Variants in TSC22D2 observed in about 807,000 individuals in gnomAD.
TSC22D2 encodes the protein TSC22 domain family member 2.
TSC22D2 carries 5 observed loss-of-function variants against 50.1 expected under a neutral mutation model. The ratio of observed to expected loss-of-function variants is 0.10; its 90% CI spans 0.05 to 0.21. The LOEUF is 0.21. Ranked by LOEUF, TSC22D2 falls within the 10% of genes least tolerant of loss-of-function variation. The pLI, the probability that TSC22D2 is intolerant of heterozygous loss-of-function variation, is 1.00. For missense variants in TSC22D2, 1,003 were observed against 1,015.5 expected (o/e 0.99, Z 0.17); for synonymous variants, 501 against 450.1 (o/e 1.11, Z -1.43).
intron 1 of TSC22D2, among the ~76,000 whole-genome samples, chr3:150,433,045 G>A (rs1296570887): frequency 6.6e-6 from 1 of 152,042 alleles, no homozygotes; most frequent in Non-Finnish European, 1.5e-5. Context: ...ACTTTAGTTG[G>A]CTACTTCTAA....
intron 1 of TSC22D2, among the ~76,000 whole-genome samples, chr3:150,456,458 G>A (rs922823262): frequency 6.6e-6 from 1 of 152,082 alleles, no homozygotes; most frequent in Non-Finnish European, 1.5e-5. Flanking sequence ...AAAGTGCTGG[G>A]ATTACAAGCG....
rs1461697225 is a variant in TSC22D2, at chr3:150,458,589, C to A, written c.2224C>A (p.Pro742Thr). The change falls in exon 3 of 3, where the codon CCG becomes ACG. Residue 742 changes from proline to threonine, a missense_variant. This residue lies in a region of TSC22D2 where 54 missense variants were observed against 51.4 expected (regional missense o/e 1.05). Transcript: ENST00000688009. ...SQQQAVIAQP[P>T]QPTQPPQQPN... The stretch of plus-strand genomic sequence containing the variant: ...ACAGCAAGCAGTGATAGCACAGCCT[C>A]CGCAGCCAACGCAACCTCCACAGCA... The A allele has an allele frequency of 6.2e-7, 1 of 1,614,144 alleles. No homozygotes were observed. The highest frequency in any genetic ancestry group is 1.1e-5 in the South Asian group (1 of 91,080).
At chr3:150,457,718 C>G (rs1284601678) in intron 2 of TSC22D2, among the ~76,000 whole-genome samples, 1 of 152,208 alleles carries the variant, frequency 6.6e-6, no homozygotes. Context: ...TCACTGCAAC[C>G]TCCACCTCCC....
At chr3:150,456,815 T>G in intron 1 of TSC22D2, 1 of 382,632 alleles carries the variant, frequency 2.6e-6, no homozygotes, top group Middle Eastern at 7.3e-4. Flanking sequence ...CAATTGAGAG[T>G]TAGTTTTAAA....
At chr3:150,457,521 A>G (rs1721226357) in intron 2 of TSC22D2, among the ~76,000 whole-genome samples, 1 of 152,208 alleles carries the variant, frequency 6.6e-6, no homozygotes, top group Non-Finnish European at 1.5e-5. Context: ...TAGGCCAGGC[A>G]CAGTGGATTG....
intron 1 of TSC22D2, among the ~76,000 whole-genome samples, chr3:150,431,327 C>CCAA (rs1720376269): frequency 2.0e-5 from 3 of 150,530 alleles, no homozygotes; most frequent in Non-Finnish European, 4.4e-5. Flanking sequence ...TATTCTCTTA[C>CCAA]CAACAATATA....
chr3:150,435,858 G>T (rs1466744113), intron 1 of TSC22D2, among the ~76,000 whole-genome samples: 2 of 152,056 alleles, frequency 1.3e-5, no homozygotes, highest in Non-Finnish European at 2.9e-5. Flanking sequence ...GGGAATATTT[G>T]GGATTTGGTT....
intron 1 of TSC22D2, among the ~76,000 whole-genome samples, chr3:150,456,190 T>TG (rs1474892625): frequency 6.8e-6 from 1 of 147,062 alleles, no homozygotes; most frequent in East Asian, 1.9e-4. Context: ...GTTTTTTTTT[T>TG]TTTTGTTTTT....
intron 1 of TSC22D2, among the ~76,000 whole-genome samples, chr3:150,414,905 G>T (rs1053471355): frequency 2.0e-5 from 3 of 150,678 alleles, no homozygotes; most frequent in African/African-American, 4.9e-5. Flanking sequence ...GTTAAATTGT[G>T]AAGGTAATTT....
At chr3:150,436,194 C>G (rs1241419423) in intron 1 of TSC22D2, among the ~76,000 whole-genome samples, 2 of 151,978 alleles carry the variant, frequency 1.3e-5, no homozygotes, top group African/African-American at 4.8e-5. Flanking sequence ...CTCTAAAGTC[C>G]TGATTTAACC....
Position 150,409,148 on chromosome 3 carries a change from C to A in TSC22D2, c.-203C>A, listed in dbSNP as rs958924544. 3.9e-6 allele frequency: 2 copies of A among 517,102 alleles called. No homozygotes were observed. The highest frequency in any genetic ancestry group is 6.8e-6 in the Non-Finnish European group (2 of 294,410). The allele number at this position is 517,102 out of a possible 1,614,324, so 32.0% of individuals were successfully genotyped here. ...TGAGACGGGGGCAGAGCCGAAGAGA[C>A]CGACACAGAGAAGGAAACGAGGAGG... On this transcript the variant is annotated 5_prime_UTR_variant, in exon 1 of 3. Transcript: ENST00000688009. The surrounding 1 kb of genome is among the most constrained non-coding windows in gnomAD (Gnocchi z 7.4).
At chr3:150,431,639 G>T (rs1720384519) in intron 1 of TSC22D2, among the ~76,000 whole-genome samples, 1 of 152,120 alleles carries the variant, frequency 6.6e-6, no homozygotes, top group Admixed American at 6.6e-5. Context: ...AAATGTACTT[G>T]CTTAGCTAGT....
chr3:150,436,025 A>C (rs911096716), intron 1 of TSC22D2, among the ~76,000 whole-genome samples: 1 of 152,144 alleles, frequency 6.6e-6, no homozygotes, highest in African/African-American at 2.4e-5. Context: ...TTAGTTACCC[A>C]ATTTCATTTC....
At position 150,410,300 on chromosome 3, in the gene TSC22D2, C is replaced by T. The variant is rs545503984; in HGVS notation, c.950C>T (p.Ala317Val). 147 of 1,563,546 alleles carry T rather than the reference C, an allele frequency of 9.4e-5. 2 individuals are homozygous for T. In the South Asian group the frequency reaches 1.6e-3, roughly 17 times the overall value. ...GCGCAGCCCAGCCAGCCCCAGGGAG[C>T]GGGGCCCGGGGGACAGACTCTGCCG... is the stretch of plus-strand genomic sequence containing the variant. ...AAAQPSQPQG[A>V]GPGGQTLPPT... The change falls in exon 1 of 3, where the codon GCG (alanine) becomes GTG (valine). Residue 317 changes from alanine to valine, a missense_variant. Coordinates refer to ENST00000688009, the MANE Select transcript of TSC22D2 (RefSeq NM_001303264.2).
intron 1 of TSC22D2, among the ~76,000 whole-genome samples, chr3:150,426,580 G>A (rs894272864): frequency 6.6e-6 from 1 of 152,158 alleles, no homozygotes; most frequent in Non-Finnish European, 1.5e-5. Context: ...AAGAAATCAG[G>A]TAGCTTGTAA....
chr3:150,420,377 T>G (rs1719965326), intron 1 of TSC22D2, among the ~76,000 whole-genome samples: 2 of 152,236 alleles, frequency 1.3e-5, no homozygotes, highest in South Asian at 4.1e-4. Flanking sequence ...CTATCTAAAT[T>G]TTTACCCTTA....
chr3:150,410,509 G>A lies in TSC22D2; in HGVS notation c.1159G>A (p.Gly387Ser). Residue 387 changes from glycine (G) to serine (S), a missense_variant, in exon 1 of 3, where the codon GGC (glycine) becomes AGC (serine). This residue lies in a region of TSC22D2 where 696 missense variants were observed against 647.8 expected (regional missense o/e 1.07). Coordinates refer to ENST00000688009, the MANE Select transcript of TSC22D2 (RefSeq NM_001303264.2). ...QSEYLQQHVA[G>S]LQPPSPAQPS... ...TGAGTACCTGCAGCAGCACGTGGCC[G>A]GCCTGCAGCCGCCAAGCCCCGCGCA... is the stretch of plus-strand genomic sequence containing the variant. 2.5e-6 allele frequency: 4 copies of A among 1,593,350 alleles called. No individual in the cohort carries two copies. The highest frequency in any genetic ancestry group is 3.4e-6 in the Non-Finnish European group (4 of 1,171,556).
intron 2 of TSC22D2, 76 bp from the exon 3 acceptor site, chr3:150,458,300 A>G: frequency 3.4e-6 from 5 of 1,465,932 alleles, no homozygotes; most frequent in Non-Finnish European, 4.6e-6. Flanking sequence ...AAAACTTAGC[A>G]CCAAGTAGGC....
chr3:150,413,041 C>T (rs955031918), intron 1 of TSC22D2, among the ~76,000 whole-genome samples: 5 of 152,052 alleles, frequency 3.3e-5, no homozygotes, highest in African/African-American at 1.2e-4. Flanking sequence ...TTACATTTTC[C>T]CTTCTGTGCA....
Sources: gnomAD v4.1 joint callset for allele counts (sites outside exome capture counted in the v4.1 genomes callset) on GRCh38, gnomAD v4.1.1 for gene constraint, gnomAD v4.1.1 regional missense constraint, Gnocchi (gnomAD v3.1) non-coding constraint, MANE v1.5 for transcripts, NCBI Gene and HGNC (gene_info 2026-07-23, HGNC 2026-07-21) for gene names.